The following GRM1 variants were observed in gnomAD, a reference collection of about 807,000 sequenced individuals.
GRM1 encodes the protein glutamate metabotropic receptor 1.
GRM1 carries 33 observed loss-of-function variants against 90.9 expected under a neutral mutation model. The observed-to-expected ratio is 0.36, with a 90% confidence interval of 0.28 to 0.49. GRM1 has a LOEUF of 0.49. GRM1 is among the 20% of genes least tolerant of loss of function. The pLI, the probability that GRM1 is intolerant of heterozygous loss-of-function variation, is 0.99. For synonymous variants in GRM1, 700 were observed against 613.2 expected, an observed-to-expected ratio of 1.14 and a Z score of -2.09; for missense variants, 1,190 against 1,534.3, an observed-to-expected ratio of 0.78 and a Z score of 3.75.
At chr6:146,182,041 C>T (rs895190070) in intron 2 of GRM1, among the ~76,000 whole-genome samples, 53 of 152,062 alleles carry the variant, frequency 3.5e-4, no homozygotes, top group African/African-American at 1.2e-3. Flanking sequence ...TTATGTCAAA[C>T]ATTTCCACAG....
At chr6:146,146,103 C>CTTATTTTTTTTTTT (rs1777087400) in intron 1 of GRM1, among the ~76,000 whole-genome samples, 1 of 19,950 alleles carries the variant, frequency 5.0e-5, no homozygotes, top group Non-Finnish European at 1.1e-4. Flanking sequence ...ACCATTGTAT[C>CTTATTTTTTTTTTT]TTTTTTTTTT....
chr6:146,419,347 T>G (rs183552820), intron 7 of GRM1, among the ~76,000 whole-genome samples: 9 of 152,000 alleles, frequency 5.9e-5, no homozygotes, highest in African/African-American at 1.9e-4. Context: ...GGAAAAACAA[T>G]AGGAAGGACA....
intron 1 of GRM1, among the ~76,000 whole-genome samples, chr6:146,043,796 T>TATAGAGATATAG (rs1554260528): frequency 0.023 from 3,139 of 137,942 alleles, 152 homozygotes; most frequent in African/African-American, 0.077. Flanking sequence ...TATATATATA[T>TATAGAGATATAG]ATATATATAT....
intron 1 of GRM1, among the ~76,000 whole-genome samples, chr6:146,134,089 C>T (rs2128881208): frequency 6.6e-6 from 1 of 152,332 alleles, no homozygotes; most frequent in Admixed American, 6.5e-5. Context: ...CAGTGTGTCA[C>T]CCCTCCCTGT....
intron 2 of GRM1, among the ~76,000 whole-genome samples, chr6:146,187,901 G>A (rs1328931211): frequency 6.6e-6 from 1 of 151,990 alleles, no homozygotes; most frequent in Non-Finnish European, 1.5e-5. Context: ...ATCTCATGAG[G>A]TCTAGTAGAA....
Position 146,131,233 on chromosome 6 carries a change from T to C in GRM1, c.701-28115T>C, listed in dbSNP as rs534371538. Reference sequence around the variant, plus strand: ...GCTGATGATGAATTTGTCTGTACTGTCCTAGAATGTTGTAATTCTCAAGTA... The same window carrying C: ...GCTGATGATGAATTTGTCTGTACTGCCCTAGAATGTTGTAATTCTCAAGTA... On this transcript the variant is annotated intron_variant, in intron 1 of 7. Coordinates refer to ENST00000282753, the MANE Select transcript of GRM1 (RefSeq NM_001278064.2). 2.6e-5 allele frequency among the ~76,000 whole-genome samples: 4 copies of C among 152,280 alleles called. No homozygotes were observed. The South Asian group carries it at 6.2e-4, about 24-fold the overall frequency.
At chr6:146,402,074 A>G (rs142425935) in intron 7 of GRM1, among the ~76,000 whole-genome samples, 1 of 152,226 alleles carries the variant, frequency 6.6e-6, no homozygotes, top group Non-Finnish European at 1.5e-5. Context: ...AAAAATCAGC[A>G]TGGTCTAAAT....
chr6:146,165,805 G>C (rs185622810), intron 2 of GRM1, among the ~76,000 whole-genome samples: 4 of 152,250 alleles, frequency 2.6e-5, no homozygotes, highest in Admixed American at 2.6e-4. Context: ...AACAGGTATC[G>C]TGTGTATAGA....
chr6:146,332,714 G>C (rs1348304342), intron 3 of GRM1, among the ~76,000 whole-genome samples: 1 of 152,206 alleles, frequency 6.6e-6, no homozygotes, highest in African/African-American at 2.4e-5. Context: ...GGAAATTAGG[G>C]TGTGGACATC....
chr6:146,397,938 A>G (rs1324190241), intron 6 of GRM1, among the ~76,000 whole-genome samples: 1 of 152,252 alleles, frequency 6.6e-6, no homozygotes. Context: ...ATATTGGCCC[A>G]GACCAAATAT....
At chr6:146,183,888 G>A (rs979887307) in intron 2 of GRM1, among the ~76,000 whole-genome samples, 8 of 152,126 alleles carry the variant, frequency 5.3e-5, no homozygotes, top group African/African-American at 1.9e-4. Context: ...TGCAGTTTCT[G>A]TAAAGATAGG....
intron 2 of GRM1, among the ~76,000 whole-genome samples, chr6:146,294,993 T>TTA (rs397816660): frequency 1.3e-5 from 2 of 152,084 alleles, no homozygotes; most frequent in African/African-American, 2.4e-5. Context: ...TGTTTTTTTT[T>TTA]AACCTGTGAA....
At chr6:146,060,970 T>C (rs914587748) in intron 1 of GRM1, among the ~76,000 whole-genome samples, 4 of 152,158 alleles carry the variant, frequency 2.6e-5, no homozygotes, top group Non-Finnish European at 5.9e-5. Flanking sequence ...TATCTCATTG[T>C]GGTTTTGATT....
intron 2 of GRM1, among the ~76,000 whole-genome samples, chr6:146,237,077 T>G (rs1780674730): frequency 6.6e-6 from 1 of 152,168 alleles, no homozygotes; most frequent in Non-Finnish European, 1.5e-5. Context: ...GAGGCTAGTG[T>G]GCTCTTTAGA....
chr6:146,097,693 A>G (rs1776918245), intron 1 of GRM1, among the ~76,000 whole-genome samples: 1 of 152,204 alleles, frequency 6.6e-6, no homozygotes, highest in African/African-American at 2.4e-5. Flanking sequence ...ATCCTTGAGC[A>G]TATCTACAAC....
At chr6:146,042,304 T>G (rs1246242140) in intron 1 of GRM1, among the ~76,000 whole-genome samples, 1 of 152,040 alleles carries the variant, frequency 6.6e-6, no homozygotes, top group Non-Finnish European at 1.5e-5. Flanking sequence ...TGGAGGCTGC[T>G]AATATGCATC....
At chr6:146,376,939 A>G (rs1448909865) in intron 5 of GRM1, among the ~76,000 whole-genome samples, 2 of 151,974 alleles carry the variant, frequency 1.3e-5, no homozygotes, top group Non-Finnish European at 2.9e-5. Flanking sequence ...GTCTCACAAG[A>G]TATGATGGTT....
In GRM1 at chr6:146,065,708, G is replaced by A. The variant is rs892317586; in HGVS notation, c.700+35491G>A. 3.3e-5 allele frequency among the ~76,000 whole-genome samples: 5 copies of A among 152,298 alleles called. No individual in the cohort carries two copies. The South Asian group carries it at 1.0e-3, about 32-fold the overall frequency. ...ATCCACGTGGAATGAGATTTTCAAA[G>A]TAAAAGAAGGGAATTGTCCAGATAG... On this transcript the variant is annotated intron_variant, in intron 1 of 7. Transcript: ENST00000282753.
At chr6:146,248,663 C>A (rs1781162474) in intron 2 of GRM1, among the ~76,000 whole-genome samples, 1 of 152,258 alleles carries the variant, frequency 6.6e-6, no homozygotes, top group South Asian at 2.1e-4. Context: ...TGGACTAATA[C>A]AAAGAATTGG....
Sources: allele counts gnomAD v4.1 joint callset (sites outside exome capture counted in the v4.1 genomes callset), GRCh38; gene constraint gnomAD v4.1.1; transcripts MANE v1.5; gene names NCBI Gene and HGNC (gene_info 2026-07-23, HGNC 2026-07-21).